The following HERC2 variants were observed in gnomAD, a reference collection of about 807,000 sequenced individuals.
The protein encoded by HERC2 is HECT and RLD domain containing E3 ubiquitin protein ligase 2.
In HERC2, 102 loss-of-function variants were observed where a neutral mutation model predicts 537.7. The observed-to-expected ratio is 0.19, with a 90% CI of 0.16 to 0.22. The LOEUF (loss-of-function observed/expected upper bound fraction) is 0.22. Among genes scored for constraint, HERC2 ranks in the 10% least tolerant of loss-of-function variants. The probability of loss-of-function intolerance (pLI) is 1.00; values close to 1 mark genes in which losing one functional copy is unlikely to be tolerated. For missense variants in HERC2, 4,236 were observed against 6,198.2 expected (o/e 0.68, Z 10.63); for synonymous variants, 2,224 against 2,466.2 (o/e 0.90, Z 2.91).
chr15:28,143,309 A>G (rs550265077), intron 74 of HERC2, among the ~76,000 whole-genome samples: 3 of 152,126 alleles, frequency 2.0e-5, no homozygotes, highest in Non-Finnish European at 4.4e-5. Context: ...AGTTAGCCTC[A>G]TTGTAAAGTC....
At chr15:28,132,031 C>T in intron 81 of HERC2, 69 bp downstream of exon 81, 1 of 1,258,858 alleles carries the variant, frequency 7.9e-7, no homozygotes, top group Non-Finnish European at 1.0e-6. Context: ...TGTGTTTTCC[C>T]AGAGGGGCCC....
At chr15:28,281,519 G>A (rs1005115862) in intron 4 of HERC2, among the ~76,000 whole-genome samples, 1 of 152,116 alleles carries the variant, frequency 6.6e-6, no homozygotes, top group Non-Finnish European at 1.5e-5. Flanking sequence ...GAAGACATCA[G>A]TTTTCTGGCT....
chr15:28,189,697 T>C (rs577062487), intron 55 of HERC2, among the ~76,000 whole-genome samples: 5 of 152,318 alleles, frequency 3.3e-5, no homozygotes, highest in South Asian at 2.1e-4. Flanking sequence ...AAGTGATAAA[T>C]ATTTGAGGTG....
intron 52 of HERC2, among the ~76,000 whole-genome samples, chr15:28,195,433 C>A (rs969214331): frequency 6.6e-6 from 1 of 152,120 alleles, no homozygotes; most frequent in Non-Finnish European, 1.5e-5. Context: ...TGCAGTCCAG[C>A]CTGGGCGACA....
At position 28,114,719 on chromosome 15, in the gene HERC2, G is replaced by T; in HGVS notation, c.13806C>A (p.Pro4602=). 6.2e-7 allele frequency: 1 copy of T among 1,614,162 alleles called. No individual in the cohort carries two copies. The highest frequency in any genetic ancestry group is 1.1e-5 in the South Asian group (1 of 91,082). Residue 4602 remains proline (P), a synonymous_variant, in exon 90 of 93, where the codon CCC becomes CCA. Transcript: ENST00000261609. ...GGCCACTGGCACTTGGCACTGTGAA[G>T]GGCAGGCTCATGGCTTCAAACTCCT... ...TSEEFEAMSL[P]FTVPSASGQD...
Position 28,206,832 on chromosome 15 carries a change from CAAAAAAAAAAAA to C in HERC2, c.7070-462_7070-451del, listed in dbSNP as rs71132838. On this transcript the variant is annotated intron_variant, in intron 44 of 92. Coordinates refer to ENST00000261609, the MANE Select transcript of HERC2 (RefSeq NM_004667.6). ...TGGGCGACAGACCAAGACTCGGTCT[CAAAAAAAAAAAA>C]AAAAAAAAAAAAAAAAATTAACTGG... Among the ~76,000 whole-genome samples the C allele has an allele frequency of 9.6e-3, 493 of 51,498 alleles. 6 individuals carry two copies. The highest frequency in any genetic ancestry group is 0.032 in the African/African-American group (468 of 14,530). The allele number at this position is 51,498 out of a possible 152,430, so 33.8% of individuals were successfully genotyped here.
intron 12 of HERC2, among the ~76,000 whole-genome samples, chr15:28,267,935 G>A (rs1596354131): frequency 6.6e-6 from 1 of 152,330 alleles, no homozygotes; most frequent in Middle Eastern, 3.4e-3. Flanking sequence ...AAGTACAAGA[G>A]GGTTCCCATC....
chr15:28,247,183 C>CG (rs531993398), intron 21 of HERC2, among the ~76,000 whole-genome samples: 3 of 151,680 alleles, frequency 2.0e-5, no homozygotes, highest in Non-Finnish European at 4.4e-5. Flanking sequence ...TTTTAACAGA[C>CG]GGGGGTCTCA....
At position 28,182,496 on chromosome 15, in the gene HERC2, CCTT is replaced by C; in HGVS notation, c.8839_8841del (p.Lys2947del). ...GTAGCTGCTGATTCCAGCCCAGCAGCCTTCTTTCTAATGAGGCTAACCAAACGG... is the reference window on the plus strand; with the variant it reads ...GTAGCTGCTGATTCCAGCCCAGCAGCCTTTCTAATGAGGCTAACCAAACGG... On this transcript the variant is annotated inframe_deletion, in exon 57 of 93. Coordinates refer to ENST00000261609, the MANE Select transcript of HERC2 (RefSeq NM_004667.6). The C allele has an allele frequency of 1.2e-6, 2 of 1,612,734 alleles. No individual in the cohort carries two copies. The highest frequency in any genetic ancestry group is 1.7e-6 in the Non-Finnish European group (2 of 1,179,340).
chr15:28,172,753 G>A (rs1171957953), intron 65 of HERC2, among the ~76,000 whole-genome samples: 1 of 152,122 alleles, frequency 6.6e-6, no homozygotes, highest in Non-Finnish European at 1.5e-5. Flanking sequence ...AGAATAAAAT[G>A]AATAAACTAG....
chr15:28,273,475 C>T (rs1264675380), intron 7 of HERC2, among the ~76,000 whole-genome samples: 1 of 152,170 alleles, frequency 6.6e-6, no homozygotes, highest in Non-Finnish European at 1.5e-5. Context: ...TTCTATGTTA[C>T]TCAATAATAA....
chr15:28,235,733 C>G (rs1902366566), intron 26 of HERC2, among the ~76,000 whole-genome samples: 1 of 152,160 alleles, frequency 6.6e-6, no homozygotes, highest in South Asian at 2.1e-4. Flanking sequence ...GTAACATGAC[C>G]TGCTTAGAAT....
intron 70 of HERC2, among the ~76,000 whole-genome samples, chr15:28,147,951 G>A (rs1266875234): frequency 6.6e-6 from 1 of 151,672 alleles, no homozygotes; most frequent in South Asian, 2.1e-4. Context: ...GGGGAAGGAC[G>A]GCTTGAGCCT....
chr15:28,125,212 G>T lies in HERC2; in HGVS notation c.12803-19C>A. The T allele has an allele frequency of 6.3e-7, 1 of 1,595,210 alleles. No individual in the cohort carries two copies. The highest frequency in any genetic ancestry group is 8.6e-7 in the Non-Finnish European group (1 of 1,163,706). ...ACCTCACCTGAATGAAGTGAATTTA[G>T]AATCAGAACCTGTATACTAGGGCCA... On this transcript the variant is annotated intron_variant, in intron 83 of 92. Transcript: ENST00000261609.
intron 3 of HERC2, among the ~76,000 whole-genome samples, chr15:28,293,714 T>C (rs2076385570): frequency 6.6e-6 from 1 of 152,086 alleles, no homozygotes; most frequent in Admixed American, 6.6e-5. Flanking sequence ...GATTCAAAAA[T>C]CTTTTAACTC....
chr15:28,276,291 G>T (rs1322094659), intron 5 of HERC2, among the ~76,000 whole-genome samples: 1 of 151,856 alleles, frequency 6.6e-6, no homozygotes, highest in Non-Finnish European at 1.5e-5. Flanking sequence ...CGGCTGGCCA[G>T]GGGCAACAGT....
chr15:28,311,982 G>A (rs976196170), intron 2 of HERC2, among the ~76,000 whole-genome samples: 5 of 152,348 alleles, frequency 3.3e-5, no homozygotes, highest in African/African-American at 9.6e-5. Flanking sequence ...TATTACCTGG[G>A]TAGCACTGGG....
At chr15:28,297,006 G>A (rs1360602257) in intron 3 of HERC2, among the ~76,000 whole-genome samples, 1 of 152,218 alleles carries the variant, frequency 6.6e-6, no homozygotes, top group Non-Finnish European at 1.5e-5. Flanking sequence ...TTGCTTGCGG[G>A]CATACGCACG....
At chr15:28,161,411 C>T (rs1596089157) in intron 69 of HERC2, among the ~76,000 whole-genome samples, 1 of 152,164 alleles carries the variant, frequency 6.6e-6, no homozygotes, top group Non-Finnish European at 1.5e-5. Context: ...CCCAGAGAAA[C>T]GGATGAAGTG....
Sources: gnomAD v4.1 joint callset for allele counts (sites outside exome capture counted in the v4.1 genomes callset) on GRCh38, gnomAD v4.1.1 for gene constraint, MANE v1.5 for transcripts, NCBI Gene and HGNC (gene_info 2026-07-23, HGNC 2026-07-21) for gene names.